The following MYO5A variants were observed in gnomAD, a reference collection of about 807,000 sequenced individuals.
The protein encoded by MYO5A is myosin VA.
A neutral mutation model predicts 249.7 loss-of-function variants in MYO5A; 98 were observed. The observed-to-expected ratio is 0.39, with a 90% confidence interval of 0.33 to 0.46. The LOEUF (loss-of-function observed/expected upper bound fraction) is 0.46, where lower values mean the gene tolerates loss of function less well. MYO5A is among the 20% of genes least tolerant of loss of function. MYO5A has a pLI of 0.98. For missense variants in MYO5A, 1,696 were observed against 2,308.8 expected (o/e 0.73, Z 5.44); for synonymous variants, 778 against 810.6 (o/e 0.96, Z 0.68).
chr15:52,486,420 C>CT (rs750531151), intron 1 of MYO5A, among the ~76,000 whole-genome samples: 5 of 152,352 alleles, frequency 3.3e-5, no homozygotes, highest in South Asian at 2.1e-4. Flanking sequence ...CTGGCCCCGA[C>CT]TTTCATTCTC....
chr15:52,358,222 C>T (rs2141041685), intron 25 of MYO5A, among the ~76,000 whole-genome samples: 1 of 152,322 alleles, frequency 6.6e-6, no homozygotes, highest in Admixed American at 6.5e-5. Context: ...GGCAAGCACA[C>T]CCTTTTTATC....
intron 10 of MYO5A, 51 bp downstream of exon 10, chr15:52,397,150 A>T (rs1024237938): frequency 6.3e-7 from 1 of 1,594,380 alleles, no homozygotes; most frequent in Non-Finnish European, 8.6e-7. Flanking sequence ...TTACTAGATA[A>T]GTTCTAGAAA....
At chr15:52,425,721 A>C in intron 4 of MYO5A, 109 bp downstream of exon 4, 6 of 1,265,792 alleles carry the variant, frequency 4.7e-6, no homozygotes, top group Middle Eastern at 1.9e-4. Context: ...CTGCTTATTT[A>C]GTAATTATTT....
Position 52,340,393 on chromosome 15 carries a change from G to A in MYO5A, c.4042C>T (p.Leu1348Phe), listed in dbSNP as rs1368557813. Residue 1348 changes from leucine to phenylalanine, a missense_variant and splice_region_variant, in exon 32 of 42, where the codon CTC becomes TTC. Transcript: ENST00000399233. ...VYEGLKQANR[L>F]LESQLQSQKR... Reference sequence around the variant, plus strand: ...TGTGACTGCAGCTGGGATTCCAGGAGCCTGCGGAGAGGACACATGGGTCGG... The same window carrying A: ...TGTGACTGCAGCTGGGATTCCAGGAACCTGCGGAGAGGACACATGGGTCGG... The A allele has an allele frequency of 6.2e-7, 1 of 1,611,914 alleles. No individual in the cohort carries two copies. The highest frequency in any genetic ancestry group is 1.3e-5 in the African/African-American group (1 of 75,048).
intron 1 of MYO5A, among the ~76,000 whole-genome samples, chr15:52,519,356 T>C (rs1371545516): frequency 6.6e-6 from 1 of 152,190 alleles, no homozygotes; most frequent in African/African-American, 2.4e-5. Flanking sequence ...CTCCCGCCTA[T>C]AATCTCAGCA....
intron 4 of MYO5A, among the ~76,000 whole-genome samples, chr15:52,418,520 T>C (rs2141259862): frequency 6.6e-6 from 1 of 152,218 alleles, no homozygotes; most frequent in Non-Finnish European, 1.5e-5. Flanking sequence ...AGGAAGGGTA[T>C]GGAACCAGTA....
At chr15:52,353,411 A>G (rs1302368061) in intron 27 of MYO5A, among the ~76,000 whole-genome samples, 194 bp downstream of exon 27, 1 of 152,206 alleles carries the variant, frequency 6.6e-6, no homozygotes, top group African/African-American at 2.4e-5. Flanking sequence ...TCCTGTTAAG[A>G]CTAAAGTCTA....
intron 6 of MYO5A, among the ~76,000 whole-genome samples, chr15:52,410,012 A>T (rs1001189545): frequency 2.0e-5 from 3 of 152,222 alleles, no homozygotes; most frequent in African/African-American, 7.2e-5. Flanking sequence ...AGAGCATGGA[A>T]CAATGCCTTC....
In MYO5A at chr15:52,528,859, T is replaced by TGGGC; in HGVS notation, c.-57_-54dup. The stretch of plus-strand genomic sequence containing the variant: ...GCCTGTGCGGAGGCCGCACCTCGCC[T>TGGGC]GGGCGGCCGCCCGAGCGGACTAGGA... On this transcript the variant is annotated 5_prime_UTR_variant, in exon 1 of 42. Coordinates refer to ENST00000399233, the MANE Select transcript of MYO5A (RefSeq NM_001382347.1). 1 of 1,426,668 alleles carries TGGGC rather than the reference T, an allele frequency of 7.0e-7. No individual in the cohort carries two copies. The highest frequency in any genetic ancestry group is 1.4e-5 in the South Asian group (1 of 70,784). The allele number at this position is 1,426,668 out of a possible 1,614,324, so 88.4% of individuals were successfully genotyped here.
At chr15:52,442,858 C>T (rs944142235) in intron 1 of MYO5A, among the ~76,000 whole-genome samples, 1 of 151,424 alleles carries the variant, frequency 6.6e-6, no homozygotes, top group African/African-American at 2.4e-5. Flanking sequence ...CAGGTTCGAG[C>T]GATTCTCTTC....
intron 23 of MYO5A, 99 bp from the exon 24 acceptor site, chr15:52,364,801 T>C: frequency 3.6e-6 from 5 of 1,380,396 alleles, no homozygotes; most frequent in Non-Finnish European, 5.1e-6. Context: ...TAGGCAATTT[T>C]ACTTTTAGTA....
chr15:52,461,806 C>CAA (rs1407094744), intron 1 of MYO5A, among the ~76,000 whole-genome samples: 20 of 150,944 alleles, frequency 1.3e-4, no homozygotes, highest in Non-Finnish European at 2.7e-4. Context: ...ACTACAAATA[C>CAA]AAAAATTAGC....
intron 1 of MYO5A, among the ~76,000 whole-genome samples, chr15:52,518,713 G>A (rs888543509): frequency 1.3e-5 from 2 of 152,172 alleles, no homozygotes; most frequent in Non-Finnish European, 2.9e-5. Flanking sequence ...AGTATGGTAA[G>A]CTAAAAAACT....
chr15:52,417,745 C>G (rs893618348), intron 4 of MYO5A, among the ~76,000 whole-genome samples: 1 of 152,082 alleles, frequency 6.6e-6, no homozygotes, highest in African/African-American at 2.4e-5. Context: ...GATTTCCTCT[C>G]TGCCTCACAT....
At chr15:52,324,308 G>A (rs1410881343) in intron 36 of MYO5A, among the ~76,000 whole-genome samples, 4 of 152,118 alleles carry the variant, frequency 2.6e-5, no homozygotes, top group African/African-American at 7.2e-5. Context: ...CTGGGCCACC[G>A]TGGCAGGAAG....
chr15:52,508,392 A>C (rs2077318065), intron 1 of MYO5A, among the ~76,000 whole-genome samples: 1 of 152,276 alleles, frequency 6.6e-6, no homozygotes, highest in South Asian at 2.1e-4. Context: ...GGAAAAAAAA[A>C]AAAAGTAGAA....
intron 1 of MYO5A, among the ~76,000 whole-genome samples, chr15:52,445,317 T>C (rs1306979339): frequency 6.6e-6 from 1 of 152,158 alleles, no homozygotes; most frequent in Non-Finnish European, 1.5e-5. Context: ...GCTCCTGCCT[T>C]GCTTTCCACC....
At chr15:52,330,821 C>G (rs2038853850) in intron 34 of MYO5A, among the ~76,000 whole-genome samples, 1 of 152,118 alleles carries the variant, frequency 6.6e-6, no homozygotes, top group Admixed American at 6.6e-5. Flanking sequence ...AGTGGTTTAA[C>G]AGATTTGTTA....
chr15:52,378,515 C>CAAAAAA (rs55803737), intron 18 of MYO5A, among the ~76,000 whole-genome samples: 1,213 of 10,476 alleles, frequency 0.12, 257 homozygotes, highest in Non-Finnish European at 0.28. Context: ...AAGACTGTCT[C>CAAAAAA]AAAAAAAAAA....
Sources: allele counts gnomAD v4.1 joint callset (sites outside exome capture counted in the v4.1 genomes callset), GRCh38; gene constraint gnomAD v4.1.1; transcripts MANE v1.5; gene names NCBI Gene and HGNC (gene_info 2026-07-23, HGNC 2026-07-21).